Variants in MYO1B observed in about 807,000 individuals in gnomAD.
MYO1B encodes unconventional myosin-Ib.
A neutral mutation model predicts 159.7 loss-of-function variants in MYO1B; 72 were observed. That is an observed-to-expected ratio of 0.45 (90% CI 0.37 to 0.55). The LOEUF (loss-of-function observed/expected upper bound fraction) is 0.55. MYO1B is among the 20% of genes least tolerant of loss of function. The probability of loss-of-function intolerance (pLI) is 0.00; values close to 1 mark genes in which losing one functional copy is unlikely to be tolerated. For missense variants in MYO1B, 1,062 were observed against 1,364.8 expected, an observed-to-expected ratio of 0.78 and a Z score of 3.50; for synonymous variants, 468 against 473.8, an observed-to-expected ratio of 0.99 and a Z score of 0.16.
chr2:191,417,345 A>G (rs1697640658), intron 30 of MYO1B, among the ~76,000 whole-genome samples: 1 of 152,206 alleles, frequency 6.6e-6, no homozygotes, highest in Non-Finnish European at 1.5e-5. Context: ...TGTTAATGAG[A>G]TCTTTCTCAT....
chr2:191,365,786 A>G (rs1001235614), intron 11 of MYO1B, among the ~76,000 whole-genome samples: 1 of 152,246 alleles, frequency 6.6e-6, no homozygotes, highest in Admixed American at 6.5e-5. Flanking sequence ...ACATATCAGA[A>G]GAAGGATTAA....
intron 3 of MYO1B, among the ~76,000 whole-genome samples, chr2:191,322,350 A>G: frequency 6.6e-6 from 1 of 152,074 alleles, no homozygotes; most frequent in South Asian, 2.1e-4. Flanking sequence ...TCCTGGGATA[A>G]TTTAGTCTCT....
At chr2:191,388,503 G>T (rs1225138877) in intron 17 of MYO1B, among the ~76,000 whole-genome samples, 2 of 152,116 alleles carry the variant, frequency 1.3e-5, no homozygotes, top group African/African-American at 2.4e-5. Context: ...TGAAAATGCA[G>T]TTATGAGGAA....
At chr2:191,316,168 T>C (rs1393228126) in intron 3 of MYO1B, among the ~76,000 whole-genome samples, 3 of 152,228 alleles carry the variant, frequency 2.0e-5, no homozygotes, top group African/African-American at 7.2e-5. Context: ...TTGGAGGTTT[T>C]ATTCTCTGGT....
chr2:191,263,382 A>G (rs1686940499), intron 1 of MYO1B: 1 of 974,200 alleles, frequency 1.0e-6, no homozygotes, highest in South Asian at 4.8e-5. Flanking sequence ...ATGGAGAAGA[A>G]AAGTTGGTAA....
Position 191,417,703 on chromosome 2 carries a change from G to A in MYO1B, c.3287+1461G>A, listed in dbSNP as rs73980708. ...TCTAGGAACATTGCTTGTACAGGATGCTAATAACGATGTACTGTGAAAAAA... is the reference window on the plus strand; with the variant it reads ...TCTAGGAACATTGCTTGTACAGGATACTAATAACGATGTACTGTGAAAAAA... On this transcript the variant is annotated intron_variant, in intron 30 of 30. Coordinates refer to ENST00000392318, the MANE Select transcript of MYO1B (RefSeq NM_001130158.3). 2.1e-3 allele frequency among the ~76,000 whole-genome samples: 317 copies of A among 152,310 alleles called. 1 individual carries two copies. Among genetic ancestry groups the A allele is most frequent in the African/African-American group, 7.3e-3 (303 of 41,574 alleles).
At chr2:191,286,777 A>G (rs962505864) in intron 2 of MYO1B, among the ~76,000 whole-genome samples, 3 of 152,152 alleles carry the variant, frequency 2.0e-5, no homozygotes, top group East Asian at 3.9e-4. Flanking sequence ...TACCAAAAAT[A>G]CAAAACTTAG....
chr2:191,387,649 A>T (rs1195412556), intron 17 of MYO1B, 199 bp downstream of exon 17: 1 of 610,474 alleles, frequency 1.6e-6, no homozygotes, highest in Non-Finnish European at 2.9e-6. Context: ...GTAAAAAAGT[A>T]AAGTGTGGTG....
At chr2:191,389,951 A>G (rs1695642665) in intron 17 of MYO1B, among the ~76,000 whole-genome samples, 1 of 152,262 alleles carries the variant, frequency 6.6e-6, no homozygotes, top group East Asian at 1.9e-4. Context: ...CTGATTTTTA[A>G]CCATGGGTTA....
intron 21 of MYO1B, among the ~76,000 whole-genome samples, chr2:191,398,871 G>A (rs1464314160): frequency 2.0e-5 from 3 of 152,196 alleles, no homozygotes; most frequent in South Asian, 2.1e-4. Flanking sequence ...GGTGGCGGCC[G>A]GGCAGAGGCT....
Position 191,353,177 on chromosome 2 carries a change from T to G in MYO1B, c.562+2952T>G, listed in dbSNP as rs544539675. On this transcript the variant is annotated intron_variant, in intron 7 of 30. Transcript: ENST00000392318. ...ATTAAAATAGAAGATGGTAAAACAT[T>G]TGTTTCAATAGAGAAGATAAAATAT... is the stretch of plus-strand genomic sequence containing the variant. Among the ~76,000 whole-genome samples the G allele has an allele frequency of 3.3e-5, 5 of 152,290 alleles. No homozygotes were observed. In the South Asian group the frequency reaches 1.0e-3, roughly 32 times the overall value.
chr2:191,250,779 C>A (rs572462173), intron 1 of MYO1B, among the ~76,000 whole-genome samples: 1 of 152,068 alleles, frequency 6.6e-6, no homozygotes, highest in Non-Finnish European at 1.5e-5. Context: ...CCTCAAAGAC[C>A]CCTTTGCTTT....
intron 3 of MYO1B, among the ~76,000 whole-genome samples, chr2:191,302,728 G>A (rs1202025812): frequency 1.3e-5 from 2 of 152,198 alleles, no homozygotes; most frequent in Non-Finnish European, 2.9e-5. Flanking sequence ...CTTAGGCATT[G>A]CAGTCACAAG....
chr2:191,383,446 T>TTA (rs1450331367), intron 15 of MYO1B, 104 bp downstream of exon 15: 1 of 38,008 alleles, frequency 2.6e-5, no homozygotes, highest in Non-Finnish European at 5.6e-5. Flanking sequence ...TTTCACTGTT[T>TTA]TTTATATATA....
At chr2:191,324,091 T>C (rs773571417) in intron 3 of MYO1B, among the ~76,000 whole-genome samples, 1 of 152,128 alleles carries the variant, frequency 6.6e-6, no homozygotes, top group Non-Finnish European at 1.5e-5. Context: ...TGTTGTATGG[T>C]ATGTCTTTTT....
chr2:191,308,761 T>C (rs1379279592), intron 3 of MYO1B, among the ~76,000 whole-genome samples: 1 of 152,190 alleles, frequency 6.6e-6, no homozygotes, highest in Admixed American at 6.5e-5. Context: ...CTTTTCAAGA[T>C]CATTTGTGAC....
intron 19 of MYO1B, 27 bp from the exon 20 acceptor site, chr2:191,393,046 A>T (rs1048057312): frequency 6.3e-7 from 1 of 1,597,328 alleles, no homozygotes; most frequent in Non-Finnish European, 8.6e-7. Flanking sequence ...AGGATTTTTG[A>T]TAAGTCCATC....
chr2:191,335,010 A>T (rs1422948079), intron 4 of MYO1B, among the ~76,000 whole-genome samples: 1 of 152,054 alleles, frequency 6.6e-6, no homozygotes, highest in Non-Finnish European at 1.5e-5. Flanking sequence ...CTTGGACCAT[A>T]CTTCGAGTAA....
At position 191,276,881 on chromosome 2, in the gene MYO1B, C is replaced by T; in HGVS notation, c.-9-6C>T. 6.3e-7 allele frequency: 1 copy of T among 1,596,394 alleles called. No individual in the cohort carries two copies. The highest frequency in any genetic ancestry group is 2.2e-5 in the East Asian group (1 of 44,654). On this transcript the variant is annotated splice_polypyrimidine_tract_variant and splice_region_variant and intron_variant, in intron 1 of 30. Transcript: ENST00000392318. Reference sequence around the variant, plus strand: ...TTAAATTGACCCCTTTCCCTCTCTTCTGCAGCTGGAGACCATGGCCAAAAT... The same window carrying T: ...TTAAATTGACCCCTTTCCCTCTCTTTTGCAGCTGGAGACCATGGCCAAAAT...
Sources: gnomAD v4.1 joint callset for allele counts (sites outside exome capture counted in the v4.1 genomes callset) on GRCh38, gnomAD v4.1.1 for gene constraint, MANE v1.5 for transcripts, NCBI Gene and HGNC (gene_info 2026-07-23, HGNC 2026-07-21) for gene names.